The following N4BP2L2 variants were observed in gnomAD, a reference collection of about 807,000 sequenced individuals.
N4BP2L2 encodes the protein NEDD4-binding protein 2-like 2.
In N4BP2L2, 50 loss-of-function variants were observed where a neutral mutation model predicts 56.2. The ratio of observed to expected loss-of-function variants is 0.89; its 90% CI spans 0.71 to 1.13. N4BP2L2 has a LOEUF of 1.13. N4BP2L2 is among the 50% of genes most tolerant of loss of function. The pLI is 0.00. For missense variants in N4BP2L2, 689 were observed against 693.8 expected, an observed-to-expected ratio of 0.99 and a Z score of 0.08; for synonymous variants, 203 against 223.6, an observed-to-expected ratio of 0.91 and a Z score of 0.82.
chr13:32,512,123 G>C (rs2048278973), exon 6 of N4BP2L2: 1 of 152,062 alleles, frequency 6.6e-6, no homozygotes, highest in Admixed American at 6.5e-5. Context: ...TATTTCAATG[G>C]ACTCTACTAA....
intron 2 of N4BP2L2, among the ~76,000 whole-genome samples, chr13:32,528,465 T>G (rs1237936920): frequency 6.6e-6 from 1 of 152,206 alleles, no homozygotes; most frequent in Non-Finnish European, 1.5e-5. Flanking sequence ...TCAATGATAA[T>G]CAAGCTTTGT....
chr13:32,492,330 T>C (rs1446108073), intron 6 of N4BP2L2, among the ~76,000 whole-genome samples: 1 of 132,898 alleles, frequency 7.5e-6, no homozygotes, highest in East Asian at 2.5e-4. Context: ...TCGGCGAGGC[T>C]GGAGTGCGGT....
chr13:32,503,264 A>C (rs1344143339), intron 6 of N4BP2L2, among the ~76,000 whole-genome samples: 2 of 152,120 alleles, frequency 1.3e-5, no homozygotes, highest in African/African-American at 2.4e-5. Flanking sequence ...TTAAAGTATA[A>C]TACTATAAAT....
chr13:32,457,151 A>T (rs1408855992), intron 6 of N4BP2L2, among the ~76,000 whole-genome samples: 1 of 152,188 alleles, frequency 6.6e-6, no homozygotes, highest in East Asian at 1.9e-4. Flanking sequence ...AAACAACAAC[A>T]ACAACAAATC....
chr13:32,518,989 T>A (rs931914467), intron 5 of N4BP2L2, among the ~76,000 whole-genome samples: 9 of 152,214 alleles, frequency 5.9e-5, no homozygotes, highest in African/African-American at 2.2e-4. Context: ...AACATATTTT[T>A]ACATTTATCA....
chr13:32,486,907 G>C (rs761631722), intron 6 of N4BP2L2, among the ~76,000 whole-genome samples: 2 of 151,936 alleles, frequency 1.3e-5, no homozygotes, highest in African/African-American at 4.8e-5. Flanking sequence ...GCTGAGGCAG[G>C]AGAATCATTT....
At chr13:32,455,595 G>A (rs2078846721) in intron 6 of N4BP2L2, among the ~76,000 whole-genome samples, 2 of 152,170 alleles carry the variant, frequency 1.3e-5, no homozygotes, top group African/African-American at 4.8e-5. Flanking sequence ...CAACACTTTT[G>A]CAACCACCTA....
intron 6 of N4BP2L2, among the ~76,000 whole-genome samples, chr13:32,481,937 AG>A (rs1467008946): frequency 6.6e-6 from 1 of 152,206 alleles, no homozygotes; most frequent in Non-Finnish European, 1.5e-5. Context: ...AGTATTCTAC[AG>A]TTCAAAATTT....
chr13:32,483,990 G>GAAA (rs11424749), intron 6 of N4BP2L2, among the ~76,000 whole-genome samples: 7 of 118,822 alleles, frequency 5.9e-5, no homozygotes, highest in African/African-American at 1.7e-4. Flanking sequence ...ATCTAAAAAA[G>GAAA]AAAAAAAAAA....
intron 6 of N4BP2L2, among the ~76,000 whole-genome samples, chr13:32,469,523 T>C (rs985634075): frequency 6.6e-6 from 1 of 152,216 alleles, no homozygotes; most frequent in Non-Finnish European, 1.5e-5. Flanking sequence ...CCCAGTGGTC[T>C]GCCAGAAAAT....
At chr13:32,535,703 G>A (rs964499859) in intron 2 of N4BP2L2, 66 bp downstream of exon 2, 30 of 1,514,340 alleles carry the variant, frequency 2.0e-5, no homozygotes, top group East Asian at 1.2e-4. Context: ...TGCAGCCGGC[G>A]ACAAATATCA....
At chr13:32,438,874 A>G in intron 7 of N4BP2L2, 1 of 618,318 alleles carries the variant, frequency 1.6e-6, no homozygotes, top group Non-Finnish European at 2.8e-6. Context: ...GGTGATGTCT[A>G]AAGCTGGAGT....
intron 6 of N4BP2L2, among the ~76,000 whole-genome samples, chr13:32,497,834 C>A (rs1484733123): frequency 6.6e-6 from 1 of 152,176 alleles, no homozygotes; most frequent in Admixed American, 6.5e-5. Flanking sequence ...ACAGATGTTT[C>A]CTTCTCTCAC....
At chr13:32,503,276 TCA>T (rs1223179945) in intron 6 of N4BP2L2, among the ~76,000 whole-genome samples, 1 of 151,538 alleles carries the variant, frequency 6.6e-6, no homozygotes, top group Non-Finnish European at 1.5e-5. Flanking sequence ...ACTATAAATC[TCA>T]GTGTTGCTTC....
intron 6 of N4BP2L2, among the ~76,000 whole-genome samples, chr13:32,445,986 G>A (rs1395446373): frequency 1.3e-5 from 2 of 152,158 alleles, no homozygotes; most frequent in East Asian, 1.9e-4. Context: ...AATTGACACC[G>A]CTGAGGGAAA....
At chr13:32,478,339 T>C (rs546945506) in intron 6 of N4BP2L2, 76 of 255,498 alleles carry the variant, frequency 3.0e-4, no homozygotes, top group South Asian at 1.4e-3. Context: ...CAAAAAACTA[T>C]ATAACGCAAT....
exon 6 of N4BP2L2, chr13:32,514,834 C>T (rs770414360): frequency 5.3e-5 from 8 of 152,126 alleles, no homozygotes; most frequent in African/African-American, 1.7e-4. Context: ...TGTTTTTCCA[C>T]TTTAAAAAAA....
chr13:32,515,554 T>C lies in N4BP2L2; in HGVS notation c.*2248A>G, dbSNP rs146310218. On this transcript the variant is annotated 3_prime_UTR_variant, in exon 6 of 6. Transcript: ENST00000267068. ...CTAACATTATAATGTAAAAAATTAA[T>C]TGGTAATGACGAATGATCTCTAACT... 13 of 152,272 alleles carry C rather than the reference T, an allele frequency of 8.5e-5. No individual in the cohort carries two copies. The East Asian group carries it at 2.1e-3, about 25-fold the overall frequency. 9.4% of individuals were successfully genotyped at this position (152,272 alleles called of 1,614,324 possible). A position where few individuals can be genotyped will look rare whatever the true frequency, so the allele number is the denominator to read the frequency against.
At chr13:32,514,743 G>A (rs1326118650) in exon 6 of N4BP2L2, 2 of 152,182 alleles carry the variant, frequency 1.3e-5, no homozygotes, top group Non-Finnish European at 2.9e-5. Context: ...ACTTTAAACA[G>A]TGATTTTAGT....
Sources: gnomAD v4.1 joint callset for allele counts (sites outside exome capture counted in the v4.1 genomes callset) on GRCh38, gnomAD v4.1.1 for gene constraint, MANE v1.5 for transcripts, NCBI Gene and HGNC (gene_info 2026-07-23, HGNC 2026-07-21) for gene names.